Variants in FKBP5 observed in about 807,000 individuals in gnomAD.
FKBP5 encodes the protein FKBP prolyl isomerase 5, also known as peptidyl-prolyl cis-trans isomerase FKBP5.
In FKBP5, 23 loss-of-function variants were observed where a neutral mutation model predicts 50.5. The observed-to-expected ratio is 0.46, with a 90% confidence interval of 0.33 to 0.65. The LOEUF (loss-of-function observed/expected upper bound fraction) is 0.65, where lower values mean the gene tolerates loss of function less well. Among genes scored for constraint, FKBP5 ranks in the 30% least tolerant of loss-of-function variants. The pLI, the probability that FKBP5 is intolerant of heterozygous loss-of-function variation, is 0.02. For missense variants in FKBP5, 411 were observed against 553.1 expected (o/e 0.74, Z 2.58); for synonymous variants, 176 against 190.6 (o/e 0.92, Z 0.63).
intron 5 of FKBP5, among the ~76,000 whole-genome samples, chr6:35,612,371 C>T (rs1763517280): frequency 6.6e-6 from 1 of 152,118 alleles, no homozygotes; most frequent in African/African-American, 2.4e-5. Flanking sequence ...GCCTGGCCCA[C>T]TGCACTCCAG....
intron 1 of FKBP5, among the ~76,000 whole-genome samples, chr6:35,663,139 G>C (rs1420372935): frequency 6.6e-6 from 1 of 152,144 alleles, no homozygotes; most frequent in Non-Finnish European, 1.5e-5. Flanking sequence ...AATGATGAGA[G>C]AGCAAGAGCA....
At chr6:35,654,155 A>G (rs1196597436) in intron 1 of FKBP5, among the ~76,000 whole-genome samples, 1 of 152,242 alleles carries the variant, frequency 6.6e-6, no homozygotes, top group Non-Finnish European at 1.5e-5. Flanking sequence ...AGTTATTTGC[A>G]GCAAACAACC....
rs775146010 is a variant in FKBP5, at chr6:35,597,386, C to T, written c.527G>A (p.Cys176Tyr). The stretch of plus-strand genomic sequence containing the variant: ...TCTGCAGTCAAACATCCTTCCACCA[C>T]AGCGGCCTTCCAGGTGGACTGAGGG... ...ATVEIHLEGR[C>Y]GGRMFDCRDV... The change falls in exon 6 of 11, where the codon TGT (cysteine) becomes TAT (tyrosine). Residue 176 changes from cysteine to tyrosine, a missense_variant. Coordinates refer to ENST00000357266, the MANE Select transcript of FKBP5 (RefSeq NM_004117.4). 1.9e-6 allele frequency: 3 copies of T among 1,613,904 alleles called. No homozygotes were observed. The South Asian group carries it at 3.3e-5, about 18-fold the overall frequency.
At chr6:35,621,104 CAT>C (rs1763819815) in intron 3 of FKBP5, among the ~76,000 whole-genome samples, 2 of 152,160 alleles carry the variant, frequency 1.3e-5, no homozygotes, top group South Asian at 2.1e-4. Flanking sequence ...TAAACAAAAA[CAT>C]ATGTGTCTTT....
chr6:35,620,215 G>A lies in FKBP5; in HGVS notation c.310C>T (p.His104Tyr). Residue 104 changes from histidine (H) to tyrosine (Y), a missense_variant, in exon 4 of 11, where the codon CAT becomes TAT. This residue lies in a region of FKBP5 where 267 missense variants were observed against 405.9 expected (regional missense o/e 0.66). Coordinates refer to ENST00000357266, the MANE Select transcript of FKBP5 (RefSeq NM_004117.4). ...GCATATTCTGGTTTGCACAGTAAAT[G>A]GCATATCTCTCCTTTCTTCATGGTA... ...VATMKKGEICHLLCKPEYAYG... is the reference protein window; with the variant it reads ...VATMKKGEICYLLCKPEYAYG... 1 of 1,614,076 alleles carries A rather than the reference G, an allele frequency of 6.2e-7. No homozygotes were observed. The highest frequency in any genetic ancestry group is 8.5e-7 in the Non-Finnish European group (1 of 1,179,986).
rs371633041 is a variant in FKBP5, at chr6:35,627,576, C to T, written c.251-7302G>A. 2.6e-5 allele frequency among the ~76,000 whole-genome samples: 4 copies of T among 152,224 alleles called. No individual in the cohort carries two copies. The East Asian group carries it at 7.7e-4, about 29-fold the overall frequency. The stretch of plus-strand genomic sequence containing the variant: ...TTCTCCCATTCCATAGGCTGCCTTT[C>T]ATTCTGTTACTGTTTGATGCACAAA... On this transcript the variant is annotated intron_variant, in intron 3 of 10. Coordinates refer to ENST00000357266, the MANE Select transcript of FKBP5 (RefSeq NM_004117.4).
chr6:35,576,977 T>G lies in FKBP5; in HGVS notation c.1266+17A>C. 6.2e-7 allele frequency: 1 copy of G among 1,612,594 alleles called. No individual in the cohort carries two copies. Among genetic ancestry groups the G allele is most frequent in the East Asian group, 2.2e-5 (1 of 44,856 alleles). ...CAGGCTCTTGATCCACCTGCAGTCA[T>G]CAGGCTCTGCACACACCTTGGCATC... On this transcript the variant is annotated intron_variant, in intron 10 of 10. Transcript: ENST00000357266.
In FKBP5 at chr6:35,582,385, G is replaced by A. The variant is rs544160093; in HGVS notation, c.841-2164C>T. On this transcript the variant is annotated intron_variant, in intron 8 of 10. Transcript: ENST00000357266. ...GATATTTGCAGATGGAGCATTTGGGGAGGGAATTAGGTTAGATGTGGTCAT... is the reference window on the plus strand; with the variant it reads ...GATATTTGCAGATGGAGCATTTGGGAAGGGAATTAGGTTAGATGTGGTCAT... The A allele has an allele frequency of 2.8e-4, 222 of 779,868 alleles. 1 individual carries two copies. The African/African-American group carries it at 3.9e-3, about 14-fold the overall frequency. The allele number at this position is 779,868 out of a possible 1,614,324, so 48.3% of individuals were successfully genotyped here.
In FKBP5 at chr6:35,682,482, T is replaced by C. The variant is rs1000723190; in HGVS notation, c.-20+6322A>G. The stretch of plus-strand genomic sequence containing the variant: ...TAGGAACACTGAGAACAAGTACAAA[T>C]CTAACTTTTGAAAAGATCAATCTGA... On this transcript the variant is annotated intron_variant, in intron 1 of 10. Coordinates refer to ENST00000357266, the MANE Select transcript of FKBP5 (RefSeq NM_004117.4). Among the ~76,000 whole-genome samples the C allele has an allele frequency of 3.3e-5, 5 of 152,144 alleles. No homozygotes were observed. The South Asian group carries it at 6.2e-4, about 19-fold the overall frequency.
intron 8 of FKBP5, chr6:35,584,043 G>A: frequency 1.0e-6 from 1 of 985,410 alleles, no homozygotes; most frequent in Non-Finnish European, 1.2e-6. Context: ...TAGCCTTCTT[G>A]CCACTCTGCT....
At chr6:35,622,854 A>C (rs2150979423) in intron 3 of FKBP5, among the ~76,000 whole-genome samples, 1 of 152,306 alleles carries the variant, frequency 6.6e-6, no homozygotes, top group South Asian at 2.1e-4. Context: ...ATCTGTGTAA[A>C]CTTGTGCAAG....
At chr6:35,719,118 G>A (rs1387373143) in intron 2 of FKBP5, among the ~76,000 whole-genome samples, 2 of 152,116 alleles carry the variant, frequency 1.3e-5, no homozygotes, top group African/African-American at 4.8e-5. Context: ...GGTTGGGCTG[G>A]GTCTGAAACC....
chr6:35,698,386 G>A (rs1275193997), intron 2 of FKBP5, among the ~76,000 whole-genome samples: 19 of 152,130 alleles, frequency 1.2e-4, no homozygotes, highest in East Asian at 1.9e-4. Context: ...GGTGGCTCAC[G>A]CCCGTATTCC....
intron 5 of FKBP5, among the ~76,000 whole-genome samples, chr6:35,616,757 A>G (rs1763673095): frequency 6.6e-6 from 1 of 152,128 alleles, no homozygotes; most frequent in African/African-American, 2.4e-5. Flanking sequence ...AAAAATATAT[A>G]TTATAAATTA....
chr6:35,595,620 A>G (rs916301337), intron 6 of FKBP5, among the ~76,000 whole-genome samples: 2 of 151,962 alleles, frequency 1.3e-5, no homozygotes, highest in African/African-American at 4.8e-5. Context: ...GTGTGGTGGC[A>G]CACACCTGTA....
At chr6:35,623,989 T>G (rs1445619091) in intron 3 of FKBP5, among the ~76,000 whole-genome samples, 1 of 151,752 alleles carries the variant, frequency 6.6e-6, no homozygotes, top group African/African-American at 2.4e-5. Context: ...GTGTGAGCCA[T>G]TGCATCAGCC....
At chr6:35,723,124 T>C (rs1427685300) in intron 1 of FKBP5, among the ~76,000 whole-genome samples, 1 of 151,890 alleles carries the variant, frequency 6.6e-6, no homozygotes, top group African/African-American at 2.4e-5. Context: ...TCCCAGCTAC[T>C]TGGGAGGCTG....
chr6:35,698,390 G>A lies in FKBP5; in HGVS notation c.-20+21938C>T, dbSNP rs184175906. ...AGGCCGGGCGCGGTGGCTCACGCCC[G>A]TATTCCCAACACTTTGGGAAACCTA... On this transcript the variant is annotated intron_variant, in intron 2 of 11. Coordinates refer to the FKBP5 transcript ENST00000536438. Among the ~76,000 whole-genome samples the A allele has an allele frequency of 4.6e-5, 7 of 152,156 alleles. No individual in the cohort carries two copies. The East Asian group carries it at 1.4e-3, about 29-fold the overall frequency.
intron 1 of FKBP5, among the ~76,000 whole-genome samples, chr6:35,645,780 G>A (rs1764613330): frequency 6.6e-6 from 1 of 152,160 alleles, no homozygotes; most frequent in African/African-American, 2.4e-5. Context: ...TTCATCATTT[G>A]GAGTTCAGCT....
Sources: gnomAD v4.1 joint callset for allele counts (sites outside exome capture counted in the v4.1 genomes callset) on GRCh38, gnomAD v4.1.1 for gene constraint, gnomAD v4.1.1 regional missense constraint, MANE v1.5 for transcripts, NCBI Gene and HGNC (gene_info 2026-07-23, HGNC 2026-07-21) for gene names.